The following NKD1 variants were observed in gnomAD, a reference collection of about 807,000 sequenced individuals.
The protein encoded by NKD1 is protein naked cuticle homolog 1.
Under a neutral mutation model 56.0 loss-of-function variants are expected in NKD1, and 21 were observed. The ratio of observed to expected loss-of-function variants is 0.38; its 90% CI spans 0.27 to 0.54. The LOEUF (loss-of-function observed/expected upper bound fraction) is 0.54, where lower values mean the gene tolerates loss of function less well. Ranked by LOEUF, NKD1 falls within the 20% of genes least tolerant of loss-of-function variation. The pLI is 0.82. For synonymous variants in NKD1, 263 were observed against 265.7 expected (o/e 0.99, Z 0.10); for missense variants, 578 against 642.7 (o/e 0.90, Z 1.09).
chr16:50,590,541 G>T (rs968567240), intron 3 of NKD1, among the ~76,000 whole-genome samples: 5 of 152,126 alleles, frequency 3.3e-5, no homozygotes, highest in Admixed American at 2.0e-4. Flanking sequence ...TAAGGAACTA[G>T]GTATTGTTTT....
At chr16:50,596,684 C>T (rs775099011) in intron 3 of NKD1, among the ~76,000 whole-genome samples, 4 of 152,230 alleles carry the variant, frequency 2.6e-5, no homozygotes, top group South Asian at 2.1e-4. Flanking sequence ...ACACGCTGGT[C>T]GAGTGCCTCC....
intron 5 of NKD1, 169 bp from the exon 6 acceptor site, chr16:50,625,316 C>T (rs1350274145): frequency 8.1e-6 from 5 of 615,760 alleles, no homozygotes; most frequent in African/African-American, 3.7e-5. Context: ...TCTGGCTGCC[C>T]TCCTGGGCCA....
chr16:50,576,800 A>G (rs1244740671), intron 3 of NKD1, among the ~76,000 whole-genome samples: 1 of 151,178 alleles, frequency 6.6e-6, no homozygotes, highest in Non-Finnish European at 1.5e-5. Flanking sequence ...GGAAAAGAAG[A>G]AAGTTATTTA....
chr16:50,608,473 G>A lies in NKD1; in HGVS notation c.259+113G>A, dbSNP rs534867357. On this transcript the variant is annotated intron_variant, in intron 4 of 9. Coordinates refer to ENST00000268459, the MANE Select transcript of NKD1 (RefSeq NM_033119.5). ...AATCTGCAGATGGAGGGCACAACAG[G>A]GACCTTGTGACTCTGGGTGGGGGTG... The A allele has an allele frequency of 2.1e-5, 16 of 759,942 alleles. No homozygotes were observed. In the East Asian group the frequency reaches 3.8e-4, roughly 18 times the overall value. 47.1% of individuals were successfully genotyped at this position (759,942 alleles called of 1,614,324 possible). A position where few individuals can be genotyped will look rare whatever the true frequency, so the allele number is the denominator to read the frequency against.
intron 3 of NKD1, among the ~76,000 whole-genome samples, chr16:50,592,236 G>A (rs149009789): frequency 1.5e-3 from 231 of 152,330 alleles, no homozygotes; most frequent in Non-Finnish European, 2.8e-3. Flanking sequence ...TGCTGCCGCC[G>A]CCTGGGGGCT....
chr16:50,573,447 C>A (rs1960927524), intron 3 of NKD1, among the ~76,000 whole-genome samples: 1 of 152,170 alleles, frequency 6.6e-6, no homozygotes, highest in African/African-American at 2.4e-5. Flanking sequence ...ATCCCCTTGA[C>A]CTGCCCTGCA....
At chr16:50,560,823 C>CATCTATCTATTTATCT (rs1555487410) in intron 3 of NKD1, among the ~76,000 whole-genome samples, 5 of 148,546 alleles carry the variant, frequency 3.4e-5, no homozygotes, top group African/African-American at 7.5e-5. Flanking sequence ...TACCCAAACC[C>CATCTATCTATTTATCT]ATCTATCTAT....
intron 1 of NKD1, 34 bp downstream of exon 1, chr16:50,548,612 CCCG>C (rs1458758462): frequency 6.9e-7 from 1 of 1,447,782 alleles, no homozygotes; most frequent in South Asian, 1.3e-5. Flanking sequence ...CGCCCCGGGC[CCCG>C]CCGCCGTCGC....
chr16:50,602,724 G>GCAGCA (rs1243422406), intron 3 of NKD1, among the ~76,000 whole-genome samples: 1 of 152,186 alleles, frequency 6.6e-6, no homozygotes, highest in Non-Finnish European at 1.5e-5. Context: ...TGTACAGGTA[G>GCAGCA]CAGCACAGTC....
chr16:50,569,207 G>A (rs1960830317), intron 3 of NKD1, among the ~76,000 whole-genome samples: 2 of 152,206 alleles, frequency 1.3e-5, no homozygotes, highest in African/African-American at 4.8e-5. Context: ...ATGTCTGGGT[G>A]ATTGAACTTG....
chr16:50,610,203 C>CA (rs1474409906), intron 4 of NKD1, among the ~76,000 whole-genome samples: 1 of 152,106 alleles, frequency 6.6e-6, no homozygotes, highest in Non-Finnish European at 1.5e-5. Context: ...TTTAAAAAAT[C>CA]AAAAAACCAC....
chr16:50,560,035 C>T (rs1960589971), intron 3 of NKD1, among the ~76,000 whole-genome samples: 2 of 152,196 alleles, frequency 1.3e-5, no homozygotes, highest in African/African-American at 2.4e-5. Flanking sequence ...GTGCCATGCC[C>T]ATTCCATGCC....
Position 50,646,102 on chromosome 16 carries a change from C to G in NKD1, c.*12321C>G, listed in dbSNP as rs1426781054. The G allele has an allele frequency of 9.5e-6, 1 of 105,296 alleles. No individual in the cohort carries two copies. Among genetic ancestry groups the G allele is most frequent in the Non-Finnish European group, 1.8e-5 (1 of 56,622 alleles). 6.5% of individuals were successfully genotyped at this position (105,296 alleles called of 1,614,324 possible). ...AGTGGGGAGCGGGCTTCTGTGGAGA[C>G]AAGATGCTAACGGGGGCGGGGGAAG... On this transcript the variant is annotated 3_prime_UTR_variant, in exon 10 of 10. Transcript: ENST00000268459.
intron 3 of NKD1, among the ~76,000 whole-genome samples, chr16:50,575,909 G>A (rs868695599): frequency 1.3e-5 from 2 of 152,144 alleles, no homozygotes; most frequent in Admixed American, 6.5e-5. Context: ...CTGGCCTCTA[G>A]CAGGTGGAGG....
chr16:50,631,611 G>T (rs142751566), intron 8 of NKD1, among the ~76,000 whole-genome samples: 1 of 152,214 alleles, frequency 6.6e-6, no homozygotes, highest in South Asian at 2.1e-4. Flanking sequence ...GCTGGCTAGA[G>T]ATCCTGGGGG....
chr16:50,638,838 T>G lies in NKD1; in HGVS notation c.*5057T>G, dbSNP rs184725891. ...CTGGGGAGAAAATGGCAGAGCCTGTTGGAGACTCCCTGTCTCCAGCTGACC... is the reference window on the plus strand; with the variant it reads ...CTGGGGAGAAAATGGCAGAGCCTGTGGGAGACTCCCTGTCTCCAGCTGACC... On this transcript the variant is annotated 3_prime_UTR_variant, in exon 10 of 10. Transcript: ENST00000268459. 32 of 152,338 alleles carry G rather than the reference T, an allele frequency of 2.1e-4. No homozygotes were observed. The highest frequency in any genetic ancestry group is 7.7e-4 in the African/African-American group (32 of 41,576). 9.4% of individuals were successfully genotyped at this position (152,338 alleles called of 1,614,324 possible).
rs958518010 is a variant in NKD1, at chr16:50,642,634, C to T, written c.*8853C>T. 3 of 152,220 alleles carry T rather than the reference C, an allele frequency of 2.0e-5. No individual in the cohort carries two copies. The highest frequency in any genetic ancestry group is 1.9e-4 in the East Asian group (1 of 5,200). The allele number at this position is 152,220 out of a possible 1,614,324, so 9.4% of individuals were successfully genotyped here. On this transcript the variant is annotated 3_prime_UTR_variant, in exon 10 of 10. Coordinates refer to ENST00000268459, the MANE Select transcript of NKD1 (RefSeq NM_033119.5). ...AGTAAATGATCCAGTGGGCGTGAAG[C>T]GTTCAGCGCAGAGCCTGGCACGTAA...
At chr16:50,621,056 C>T (rs6500321) in intron 4 of NKD1, among the ~76,000 whole-genome samples, 17,904 of 152,268 alleles carry the variant, frequency 0.12, 2,772 homozygotes, top group African/African-American at 0.36. Flanking sequence ...TGTCCATGTG[C>T]GCTTGTGCAT....
chr16:50,610,930 G>T (rs1961832124), intron 4 of NKD1, among the ~76,000 whole-genome samples: 1 of 152,216 alleles, frequency 6.6e-6, no homozygotes, highest in African/African-American at 2.4e-5. Flanking sequence ...GGCTGGTGAG[G>T]TGAGGCTTTC....
Sources: allele counts gnomAD v4.1 joint callset (sites outside exome capture counted in the v4.1 genomes callset), GRCh38; gene constraint gnomAD v4.1.1; transcripts MANE v1.5; gene names NCBI Gene and HGNC (gene_info 2026-07-23, HGNC 2026-07-21).